The following ADAMTS12 variants were observed in gnomAD, a reference collection of about 807,000 sequenced individuals.
ADAMTS12 encodes ADAM metallopeptidase with thrombospondin type 1 motif 12.
In ADAMTS12, 118 loss-of-function variants were observed where a neutral mutation model predicts 167.8. That is an observed-to-expected ratio of 0.70 (90% CI 0.61 to 0.82). The LOEUF is 0.82. ADAMTS12 is among the 40% of genes least tolerant of loss of function. ADAMTS12 has a pLI of 0.00. For synonymous variants in ADAMTS12, 704 were observed against 716.9 expected, an observed-to-expected ratio of 0.98 and a Z score of 0.29; for missense variants, 1,916 against 1,998.8, an observed-to-expected ratio of 0.96 and a Z score of 0.79.
At chr5:33,702,975 T>A (rs965839453) in intron 3 of ADAMTS12, among the ~76,000 whole-genome samples, 5 of 152,190 alleles carry the variant, frequency 3.3e-5, no homozygotes, top group Non-Finnish European at 5.9e-5. Context: ...TCCTACAACC[T>A]GTTCATCCAC....
At chr5:33,544,951 CAA>C (rs1744898126) in intron 22 of ADAMTS12, among the ~76,000 whole-genome samples, 1 of 152,156 alleles carries the variant, frequency 6.6e-6, no homozygotes, top group Non-Finnish European at 1.5e-5. Context: ...TAGGCATGGG[CAA>C]AGACTTCATG....
chr5:33,753,843 T>A (rs997800551), intron 2 of ADAMTS12, among the ~76,000 whole-genome samples: 2 of 152,124 alleles, frequency 1.3e-5, no homozygotes, highest in African/African-American at 4.8e-5. Context: ...CTATTCAACC[T>A]CAATATTTCT....
chr5:33,816,820 T>C (rs911327476), intron 2 of ADAMTS12, among the ~76,000 whole-genome samples: 4 of 152,158 alleles, frequency 2.6e-5, no homozygotes, highest in Non-Finnish European at 5.9e-5. Context: ...TTGTTCTGAA[T>C]CAGATTTTAA....
intron 2 of ADAMTS12, among the ~76,000 whole-genome samples, chr5:33,878,621 G>C (rs1268853477): frequency 6.6e-6 from 1 of 152,194 alleles, no homozygotes; most frequent in Non-Finnish European, 1.5e-5. Context: ...TTGCACCCCT[G>C]GTTGCTCATT....
At chr5:33,723,287 C>T (rs144646225) in intron 3 of ADAMTS12, among the ~76,000 whole-genome samples, 186 of 152,296 alleles carry the variant, frequency 1.2e-3, no homozygotes, top group African/African-American at 4.4e-3. Flanking sequence ...CTCTTATTCT[C>T]CCTTTTGTGT....
At chr5:33,532,945 T>C (rs1744188232) in intron 23 of ADAMTS12, among the ~76,000 whole-genome samples, 1 of 152,202 alleles carries the variant, frequency 6.6e-6, no homozygotes, top group African/African-American at 2.4e-5. Context: ...TCAAGGAATT[T>C]CTCACAACTC....
Position 33,630,921 on chromosome 5 carries a change from G to GA in ADAMTS12, c.1889-9dup, listed in dbSNP as rs774689175. 16 of 1,609,570 alleles carry GA rather than the reference G, an allele frequency of 9.9e-6. No individual in the cohort carries two copies. The highest frequency in any genetic ancestry group is 2.2e-5 in the East Asian group (1 of 44,810). ...AGAGCTCACAAGGATGTGCTGAAGG[G>GA]AAAAAAGAAGGCAAAGCCTTGCAAA... is the stretch of plus-strand genomic sequence containing the variant. On this transcript the variant is annotated splice_polypyrimidine_tract_variant and intron_variant, in intron 12 of 23. Transcript: ENST00000504830.
At chr5:33,647,223 T>A (rs1226911322) in intron 9 of ADAMTS12, among the ~76,000 whole-genome samples, 3 of 152,180 alleles carry the variant, frequency 2.0e-5, no homozygotes, top group Non-Finnish European at 4.4e-5. Flanking sequence ...TCTTAAGCCA[T>A]TTTAGGAAAT....
chr5:33,729,828 A>G (rs191391141), intron 3 of ADAMTS12, among the ~76,000 whole-genome samples: 81 of 152,366 alleles, frequency 5.3e-4, no homozygotes, highest in Admixed American at 9.1e-4. Flanking sequence ...GCTGAGATTG[A>G]TAACACCCAA....
chr5:33,780,680 G>A (rs2112440884), intron 2 of ADAMTS12, among the ~76,000 whole-genome samples: 1 of 152,270 alleles, frequency 6.6e-6, no homozygotes, highest in Middle Eastern at 3.4e-3. Context: ...TCCCTTATCA[G>A]GCTAATATTA....
chr5:33,695,739 G>A (rs57789202), intron 3 of ADAMTS12, among the ~76,000 whole-genome samples: 6,799 of 152,278 alleles, frequency 0.045, 312 homozygotes, highest in East Asian at 0.17. Context: ...TTTGTACACA[G>A]TTTTGGTTTG....
At position 33,576,426 on chromosome 5, in the gene ADAMTS12, T is replaced by C. The variant is rs1430200272; in HGVS notation, c.3600A>G (p.Leu1200=). The change falls in exon 19 of 24, where the codon CTA becomes CTG. Residue 1200 remains leucine (L), a synonymous_variant. Coordinates refer to ENST00000504830, the MANE Select transcript of ADAMTS12 (RefSeq NM_030955.4). Reference sequence around the variant, plus strand: ...AGGACTCCCTGCTGAGATCTGGTGTTAGTGGAGGTGCAAGTGGCATTTCTG... The same window carrying C: ...AGGACTCCCTGCTGAGATCTGGTGTCAGTGGAGGTGCAAGTGGCATTTCTG... The part of the protein sequence containing the change: ...ESTEMPLAPP[L]TPDLSRESWW... The C allele has an allele frequency of 6.2e-7, 1 of 1,612,622 alleles. No individual in the cohort carries two copies. Among genetic ancestry groups the C allele is most frequent in the African/African-American group, 1.3e-5 (1 of 74,862 alleles).
At chr5:33,592,670 C>T (rs1214222411) in intron 17 of ADAMTS12, among the ~76,000 whole-genome samples, 1 of 151,988 alleles carries the variant, frequency 6.6e-6, no homozygotes, top group Non-Finnish European at 1.5e-5. Flanking sequence ...TTTAGATAAT[C>T]AAAAGTTTTT....
At chr5:33,788,634 C>T (rs1035085941) in intron 2 of ADAMTS12, among the ~76,000 whole-genome samples, 4 of 152,040 alleles carry the variant, frequency 2.6e-5, no homozygotes, top group African/African-American at 4.8e-5. Context: ...AGCAGGTGCA[C>T]CAGGAAGCTA....
chr5:33,878,556 T>C (rs1750312783), intron 2 of ADAMTS12, among the ~76,000 whole-genome samples: 2 of 152,194 alleles, frequency 1.3e-5, no homozygotes, highest in African/African-American at 4.8e-5. Flanking sequence ...CTAAACAATA[T>C]GCAATTTCCC....
intron 3 of ADAMTS12, among the ~76,000 whole-genome samples, chr5:33,699,521 A>G (rs1025820538): frequency 2.0e-5 from 3 of 152,148 alleles, no homozygotes; most frequent in Admixed American, 6.5e-5. Context: ...CACGAATTCT[A>G]AGACAGTCTA....
chr5:33,846,139 C>CTATTT (rs1748935410), intron 2 of ADAMTS12, among the ~76,000 whole-genome samples: 1 of 152,196 alleles, frequency 6.6e-6, no homozygotes, highest in South Asian at 2.1e-4. Context: ...CAAACCCAAA[C>CTATTT]TGAGGGACAT....
At chr5:33,877,863 G>C (rs764493937) in intron 2 of ADAMTS12, among the ~76,000 whole-genome samples, 2 of 152,132 alleles carry the variant, frequency 1.3e-5, no homozygotes, top group Non-Finnish European at 2.9e-5. Flanking sequence ...ACAACTCCAA[G>C]AGCCTCCAAC....
At chr5:33,551,246 C>T (rs1392295457) in intron 20 of ADAMTS12, among the ~76,000 whole-genome samples, 1 of 152,132 alleles carries the variant, frequency 6.6e-6, no homozygotes, top group Non-Finnish European at 1.5e-5. Context: ...ACCAAGTCAC[C>T]TGACTTCAAA....
Sources: gnomAD v4.1 joint callset for allele counts (sites outside exome capture counted in the v4.1 genomes callset) on GRCh38, gnomAD v4.1.1 for gene constraint, MANE v1.5 for transcripts, NCBI Gene and HGNC (gene_info 2026-07-23, HGNC 2026-07-21) for gene names.